The following GPC6 variants were observed in gnomAD, a reference collection of about 807,000 sequenced individuals.
GPC6 encodes glypican-6.
A neutral mutation model predicts 55.2 loss-of-function variants in GPC6; 14 were observed. The observed-to-expected ratio is 0.25, with a 90% CI of 0.17 to 0.40. GPC6 has a LOEUF of 0.40. Among genes scored for constraint, GPC6 ranks in the 10% least tolerant of loss-of-function variants. The pLI is 1.00. For missense variants in GPC6, 641 were observed against 708.5 expected (o/e 0.90, Z 1.08); for synonymous variants, 278 against 259.6 (o/e 1.07, Z -0.68).
chr13:93,754,075 A>T (rs9524191), intron 2 of GPC6, among the ~76,000 whole-genome samples: 1 of 152,030 alleles, frequency 6.6e-6, no homozygotes, highest in Non-Finnish European at 1.5e-5. Context: ...CTTCCTTGGA[A>T]GCCAGCATGC....
chr13:93,310,559 T>C (rs1879032596), intron 1 of GPC6, among the ~76,000 whole-genome samples: 2 of 152,316 alleles, frequency 1.3e-5, no homozygotes, highest in South Asian at 4.1e-4. Context: ...AGAGATGCCT[T>C]TAGTCCTTAA....
intron 8 of GPC6, among the ~76,000 whole-genome samples, chr13:94,401,278 A>G (rs74103915): frequency 0.011 from 1,688 of 152,318 alleles, 27 homozygotes; most frequent in African/African-American, 0.038. Flanking sequence ...TTATGTCCTC[A>G]GTTAACATTC....
chr13:93,968,453 C>T (rs1336486965), intron 3 of GPC6, among the ~76,000 whole-genome samples: 2 of 152,060 alleles, frequency 1.3e-5, no homozygotes, highest in Non-Finnish European at 2.9e-5. Context: ...AATCAGTTCA[C>T]TTGTATTATA....
chr13:93,496,152 A>G (rs1337776237), intron 1 of GPC6, among the ~76,000 whole-genome samples: 2 of 151,848 alleles, frequency 1.3e-5, no homozygotes, highest in African/African-American at 2.4e-5. Flanking sequence ...TTGATCTCAG[A>G]CTGCTGTGCT....
chr13:93,567,662 A>G (rs773609181), intron 2 of GPC6, among the ~76,000 whole-genome samples: 3 of 152,248 alleles, frequency 2.0e-5, no homozygotes, highest in South Asian at 2.1e-4. Context: ...TATTCAAAAC[A>G]TTTTGAATAC....
intron 4 of GPC6, among the ~76,000 whole-genome samples, chr13:94,192,638 T>G (rs566806057): frequency 1.6e-4 from 25 of 152,220 alleles, no homozygotes; most frequent in Non-Finnish European, 3.5e-4. Context: ...GGTGTTGTGA[T>G]GTATGTACAC....
chr13:94,375,505 T>G (rs1183604503), intron 6 of GPC6, among the ~76,000 whole-genome samples: 1 of 152,072 alleles, frequency 6.6e-6, no homozygotes, highest in Admixed American at 6.5e-5. Context: ...CAGGAAGAAA[T>G]TGAATCTCTG....
chr13:94,110,443 G>A (rs1360373038), intron 4 of GPC6, among the ~76,000 whole-genome samples: 1 of 152,078 alleles, frequency 6.6e-6, no homozygotes, highest in Non-Finnish European at 1.5e-5. Context: ...AGGACTGTGT[G>A]AGGTTGAAAA....
intron 7 of GPC6, among the ~76,000 whole-genome samples, chr13:94,382,950 A>G (rs1188937418): frequency 6.6e-6 from 1 of 152,182 alleles, no homozygotes; most frequent in African/African-American, 2.4e-5. Context: ...TGAAAATTCA[A>G]CTGTTTTTTT....
chr13:94,067,089 C>T (rs1429559992), intron 4 of GPC6, among the ~76,000 whole-genome samples: 1 of 152,128 alleles, frequency 6.6e-6, no homozygotes, highest in Non-Finnish European at 1.5e-5. Context: ...GGTCACTAGA[C>T]CTTCTTTGCG....
intron 2 of GPC6, among the ~76,000 whole-genome samples, chr13:93,578,525 G>A (rs1876777457): frequency 6.6e-6 from 1 of 151,526 alleles, no homozygotes; most frequent in Admixed American, 6.6e-5. Flanking sequence ...GTATTTCTAT[G>A]ATCTCAGTTC....
chr13:93,342,099 G>C, intron 1 of GPC6, among the ~76,000 whole-genome samples: 1 of 151,836 alleles, frequency 6.6e-6, no homozygotes, highest in East Asian at 1.9e-4. Context: ...TCAATCTCCT[G>C]ACCTCGTGAA....
At chr13:94,180,893 A>AGG (rs894482717) in intron 4 of GPC6, among the ~76,000 whole-genome samples, 1 of 151,876 alleles carries the variant, frequency 6.6e-6, no homozygotes, top group Admixed American at 6.6e-5. Context: ...AGAGAGAGAG[A>AGG]GAGAGGGAGA....
intron 1 of GPC6, among the ~76,000 whole-genome samples, chr13:93,406,441 C>T (rs896261939): frequency 6.6e-6 from 1 of 152,062 alleles, no homozygotes; most frequent in Non-Finnish European, 1.5e-5. Context: ...TTTTCTGTCC[C>T]CATTAGTCTG....
intron 6 of GPC6, among the ~76,000 whole-genome samples, chr13:94,351,979 AAAAG>A (rs1472653640): frequency 9.1e-5 from 13 of 142,858 alleles, no homozygotes; most frequent in Non-Finnish European, 1.7e-4. Flanking sequence ...AAAAAAAAAA[AAAAG>A]AAAAAGAAAA....
At chr13:93,287,451 G>T (rs1878174470) in intron 1 of GPC6, among the ~76,000 whole-genome samples, 1 of 152,104 alleles carries the variant, frequency 6.6e-6, no homozygotes, top group South Asian at 2.1e-4. Context: ...CCCAGGAATT[G>T]GCCAGCAACT....
intron 2 of GPC6, among the ~76,000 whole-genome samples, chr13:93,622,472 G>T (rs1392395393): frequency 1.4e-5 from 2 of 146,652 alleles, no homozygotes. Flanking sequence ...AAAGATACAT[G>T]AAACCAATTT....
intron 1 of GPC6, among the ~76,000 whole-genome samples, chr13:93,285,646 G>GTATGTGTGTGTC (rs1878097614): frequency 9.3e-6 from 1 of 107,246 alleles, no homozygotes; most frequent in Non-Finnish European, 2.1e-5. Context: ...GTGTGTGTGT[G>GTATGTGTGTGTC]TGTGTGTGTG....
chr13:94,085,477 A>G (rs1885251081), intron 4 of GPC6, among the ~76,000 whole-genome samples: 1 of 152,172 alleles, frequency 6.6e-6, no homozygotes, highest in African/African-American at 2.4e-5. Flanking sequence ...TTGCTGAGTA[A>G]GACAAGGTAT....
Sources: allele counts gnomAD v4.1 joint callset (sites outside exome capture counted in the v4.1 genomes callset), GRCh38; gene constraint gnomAD v4.1.1; transcripts MANE v1.5; gene names NCBI Gene and HGNC (gene_info 2026-07-23, HGNC 2026-07-21).